The following LRRC7 variants were observed in gnomAD, a reference collection of about 807,000 sequenced individuals.
LRRC7 encodes leucine rich repeat containing 7.
Under a neutral mutation model 175.7 loss-of-function variants are expected in LRRC7, and 23 were observed. The observed-to-expected ratio is 0.13, with a 90% confidence interval of 0.09 to 0.19. LRRC7 has a LOEUF of 0.19. LRRC7 is among the 10% of genes least tolerant of loss of function. The pLI is 1.00. For synonymous variants in LRRC7, 685 were observed against 680.9 expected, an observed-to-expected ratio of 1.01 and a Z score of -0.09; for missense variants, 1,354 against 1,904.7, an observed-to-expected ratio of 0.71 and a Z score of 5.38.
chr1:69,987,970 G>A (rs1232947446), intron 10 of LRRC7, among the ~76,000 whole-genome samples: 2 of 152,028 alleles, frequency 1.3e-5, no homozygotes, highest in African/African-American at 2.4e-5. Context: ...CCCTTGATCT[G>A]TACTTTTATT....
At chr1:69,613,980 T>G (rs541229098) in intron 1 of LRRC7, among the ~76,000 whole-genome samples, 70 of 152,118 alleles carry the variant, frequency 4.6e-4, no homozygotes, top group Middle Eastern at 6.8e-3. Flanking sequence ...TAAGAAAATA[T>G]AATAATATTT....
chr1:69,949,389 T>C (rs1305735502), intron 8 of LRRC7, among the ~76,000 whole-genome samples: 1 of 152,082 alleles, frequency 6.6e-6, no homozygotes, highest in Non-Finnish European at 1.5e-5. Flanking sequence ...CTGACCAACA[T>C]GGCGAAATCC....
chr1:69,708,569 A>G (rs1012816046), intron 2 of LRRC7, among the ~76,000 whole-genome samples: 1 of 152,224 alleles, frequency 6.6e-6, no homozygotes, highest in Non-Finnish European at 1.5e-5. Flanking sequence ...GTGTATATCA[A>G]TAACAAAATT....
intron 1 of LRRC7, among the ~76,000 whole-genome samples, chr1:69,637,921 G>A (rs533058602): frequency 1.3e-5 from 2 of 151,870 alleles, no homozygotes; most frequent in Non-Finnish European, 2.9e-5. Flanking sequence ...ATAGAAAGGT[G>A]ACACATTTTT....
At chr1:69,839,954 A>C (rs567987882) in intron 7 of LRRC7, among the ~76,000 whole-genome samples, 1 of 152,206 alleles carries the variant, frequency 6.6e-6, no homozygotes, top group African/African-American at 2.4e-5. Context: ...ATTGTGGCCC[A>C]GTATTAAACA....
chr1:69,649,091 A>G (rs927156438), intron 1 of LRRC7, among the ~76,000 whole-genome samples: 2 of 152,180 alleles, frequency 1.3e-5, no homozygotes, highest in Admixed American at 6.5e-5. Flanking sequence ...TGTTATTGCT[A>G]TTGGAATGTG....
intron 26 of LRRC7, among the ~76,000 whole-genome samples, chr1:70,114,549 G>A (rs1161021347): frequency 2.0e-5 from 3 of 152,048 alleles, no homozygotes; most frequent in Admixed American, 1.3e-4. Context: ...TTAGCCAGGC[G>A]TGATGGCACA....
chr1:69,987,393 T>C lies in LRRC7; in HGVS notation c.931+1007T>C, dbSNP rs566978090. ...GTAATCATTAAATTACTTAACTTTG[T>C]AACATAGATTTTAACCTCTTTGAAA... On this transcript the variant is annotated intron_variant, in intron 10 of 26. Coordinates refer to ENST00000651989, the MANE Select transcript of LRRC7 (RefSeq NM_001370785.2). Among the ~76,000 whole-genome samples the C allele has an allele frequency of 6.6e-5, 10 of 152,128 alleles. No homozygotes were observed. The South Asian group carries it at 1.4e-3, about 22-fold the overall frequency.
At chr1:69,642,626 C>T (rs1654380032) in intron 1 of LRRC7, among the ~76,000 whole-genome samples, 1 of 151,942 alleles carries the variant, frequency 6.6e-6, no homozygotes, top group Non-Finnish European at 1.5e-5. Flanking sequence ...TCAAAATAGC[C>T]AGTGCAACTT....
chr1:69,634,701 T>A (rs1320553548), intron 1 of LRRC7, among the ~76,000 whole-genome samples: 1 of 152,122 alleles, frequency 6.6e-6, no homozygotes, highest in Non-Finnish European at 1.5e-5. Context: ...TGGTTGTATG[T>A]ACACAATTCC....
chr1:69,599,797 T>C (rs1749515), intron 1 of LRRC7, among the ~76,000 whole-genome samples: 57,182 of 152,050 alleles, frequency 0.38, 12,274 homozygotes, highest in African/African-American at 0.57. Context: ...CTATTTTCAC[T>C]TCCAGGATAA....
intron 2 of LRRC7, among the ~76,000 whole-genome samples, chr1:69,705,332 C>T (rs1308425274): frequency 6.6e-6 from 1 of 152,132 alleles, no homozygotes. Context: ...AGAAGCACAG[C>T]AGAGCTCTTA....
intron 2 of LRRC7, among the ~76,000 whole-genome samples, chr1:69,751,576 G>C (rs1240893795): frequency 6.6e-6 from 1 of 152,116 alleles, no homozygotes; most frequent in South Asian, 2.1e-4. Flanking sequence ...TGTCTAGTAC[G>C]GAGGAGTAGG....
intron 2 of LRRC7, among the ~76,000 whole-genome samples, chr1:69,703,809 A>G (rs1296033995): frequency 6.6e-6 from 1 of 152,004 alleles, no homozygotes; most frequent in Non-Finnish European, 1.5e-5. Context: ...TCCTAGTTAA[A>G]GAATATCAAC....
At chr1:69,708,646 G>A (rs771475285) in intron 2 of LRRC7, among the ~76,000 whole-genome samples, 42 of 152,314 alleles carry the variant, frequency 2.8e-4, no homozygotes, top group Non-Finnish European at 5.0e-4. Flanking sequence ...GGGCCTGATG[G>A]TAAGGATAGA....
At chr1:69,704,687 T>C (rs1663800161) in intron 2 of LRRC7, among the ~76,000 whole-genome samples, 1 of 152,018 alleles carries the variant, frequency 6.6e-6, no homozygotes, top group South Asian at 2.1e-4. Flanking sequence ...CAGACTTTGC[T>C]AAAAAATCTT....
chr1:70,086,691 A>G (rs1663636590), intron 24 of LRRC7, among the ~76,000 whole-genome samples: 2 of 152,274 alleles, frequency 1.3e-5, no homozygotes, highest in South Asian at 4.1e-4. Flanking sequence ...GTGAGCCAAA[A>G]TTACGCCACT....
intron 8 of LRRC7, among the ~76,000 whole-genome samples, chr1:69,963,559 T>C (rs1197295078): frequency 6.6e-6 from 1 of 152,156 alleles, no homozygotes; most frequent in African/African-American, 2.4e-5. Context: ...GGAGTAATTA[T>C]ACTGAAATGG....
At chr1:69,924,540 T>C (rs1281669036) in intron 7 of LRRC7, among the ~76,000 whole-genome samples, 1 of 152,170 alleles carries the variant, frequency 6.6e-6, no homozygotes, top group African/African-American at 2.4e-5. Flanking sequence ...GATTCCTAGG[T>C]ATTTTATTCT....
Sources: allele counts gnomAD v4.1 joint callset (sites outside exome capture counted in the v4.1 genomes callset), GRCh38; gene constraint gnomAD v4.1.1; transcripts MANE v1.5; gene names NCBI Gene and HGNC (gene_info 2026-07-23, HGNC 2026-07-21).